ELOVL5: variants seen among roughly 807,000 people sequenced by gnomAD.
ELOVL5 encodes the protein ELOVL fatty acid elongase 5.
In ELOVL5, 8 loss-of-function variants were observed where a neutral mutation model predicts 38.6. The ratio of observed to expected loss-of-function variants is 0.21; its 90% CI spans 0.12 to 0.37. The LOEUF (loss-of-function observed/expected upper bound fraction) is 0.37, where lower values mean the gene tolerates loss of function less well. ELOVL5 is among the 10% of genes least tolerant of loss of function. The probability of loss-of-function intolerance (pLI) is 1.00; values close to 1 mark genes in which losing one functional copy is unlikely to be tolerated. For synonymous variants in ELOVL5, 127 were observed against 133.7 expected, an observed-to-expected ratio of 0.95 and a Z score of 0.34; for missense variants, 280 against 367.8, an observed-to-expected ratio of 0.76 and a Z score of 1.95.
rs143862521 is a variant in ELOVL5, at chr6:53,325,315, T to TA, written c.-9+23501dup. 2.9e-3 allele frequency among the ~76,000 whole-genome samples: 437 copies of TA among 152,322 alleles called. 5 individuals are homozygous for TA. The highest frequency in any genetic ancestry group is 1.0e-2 in the African/African-American group (414 of 41,570). The stretch of plus-strand genomic sequence containing the variant: ...CAATCTAAAACACAACTTCTAGGCT[T>TA]AAGATACCCATTACTGTGTCATAAG... On this transcript the variant is annotated intron_variant, in intron 1 of 7. Coordinates refer to ENST00000304434, the MANE Select transcript of ELOVL5 (RefSeq NM_021814.5).
chr6:53,283,697 A>G (rs1175385756), intron 3 of ELOVL5, among the ~76,000 whole-genome samples: 3 of 152,222 alleles, frequency 2.0e-5, no homozygotes, highest in Non-Finnish European at 4.4e-5. Flanking sequence ...GAAGAATGCA[A>G]AATTTTCAAA....
At chr6:53,345,529 T>G (rs779327582) in intron 1 of ELOVL5, among the ~76,000 whole-genome samples, 15 of 152,238 alleles carry the variant, frequency 9.9e-5, no homozygotes, top group Non-Finnish European at 1.8e-4. Context: ...CAGGAAACCC[T>G]CTGGAATCAG....
intron 5 of ELOVL5, 29 bp from the exon 6 acceptor site, chr6:53,273,373 G>T: frequency 1.2e-6 from 2 of 1,604,306 alleles, no homozygotes; most frequent in South Asian, 1.1e-5. Flanking sequence ...TTGGGAAGGA[G>T]AATGTATTAG....
intron 1 of ELOVL5, among the ~76,000 whole-genome samples, chr6:53,298,418 G>T (rs1460756715): frequency 6.6e-6 from 1 of 152,204 alleles, no homozygotes; most frequent in East Asian, 1.9e-4. Context: ...ACAATAATCA[G>T]GTATTAAGCA....
At chr6:53,308,763 T>G (rs1029796499) in intron 1 of ELOVL5, among the ~76,000 whole-genome samples, 1 of 151,890 alleles carries the variant, frequency 6.6e-6, no homozygotes, top group Admixed American at 6.6e-5. Flanking sequence ...TACACTGTAT[T>G]ACAGAGACAG....
At chr6:53,284,424 T>TC (rs1337828102) in intron 3 of ELOVL5, among the ~76,000 whole-genome samples, 5 of 152,082 alleles carry the variant, frequency 3.3e-5, no homozygotes, top group African/African-American at 7.2e-5. Context: ...AAATACTGAC[T>TC]CAACTGAAAC....
chr6:53,338,105 T>C (rs1651691273), intron 1 of ELOVL5, among the ~76,000 whole-genome samples: 1 of 151,968 alleles, frequency 6.6e-6, no homozygotes, highest in Non-Finnish European at 1.5e-5. Context: ...GGATGGTGGG[T>C]GGGTGGATGG....
chr6:53,317,711 G>A (rs1478584317), intron 1 of ELOVL5, among the ~76,000 whole-genome samples: 1 of 151,580 alleles, frequency 6.6e-6, no homozygotes, highest in African/African-American at 2.4e-5. Context: ...GGGTTAATGG[G>A]TGCAGCATAC....
intron 1 of ELOVL5, among the ~76,000 whole-genome samples, chr6:53,310,218 A>G (rs1404897408): frequency 6.6e-6 from 1 of 152,254 alleles, no homozygotes; most frequent in Admixed American, 6.5e-5. Flanking sequence ...TCTAAAGTAT[A>G]GAATTTGGTT....
At chr6:53,348,427 C>T (rs1431802967) in intron 1 of ELOVL5, among the ~76,000 whole-genome samples, 1 of 152,092 alleles carries the variant, frequency 6.6e-6, no homozygotes, top group Non-Finnish European at 1.5e-5. Flanking sequence ...CGCTCCGGCC[C>T]GCAGGGCGGG....
chr6:53,310,329 A>G (rs537740027), intron 1 of ELOVL5, among the ~76,000 whole-genome samples: 1 of 152,326 alleles, frequency 6.6e-6, no homozygotes, highest in South Asian at 2.1e-4. Context: ...TCACTAAGGA[A>G]ATATCCCTAT....
chr6:53,316,777 G>A (rs1373097984), intron 1 of ELOVL5, among the ~76,000 whole-genome samples: 1 of 151,798 alleles, frequency 6.6e-6, no homozygotes, highest in Non-Finnish European at 1.5e-5. Context: ...AGGAAGCATG[G>A]GGGCTGCGGG....
At chr6:53,348,022 GCC>G (rs35065809) in intron 1 of ELOVL5, among the ~76,000 whole-genome samples, 2 of 146,722 alleles carry the variant, frequency 1.4e-5, no homozygotes, top group Non-Finnish European at 3.0e-5. Flanking sequence ...GAGCACAACC[GCC>G]CCCCCGCCGC....
chr6:53,288,185 C>T (rs1191180506), intron 3 of ELOVL5, among the ~76,000 whole-genome samples: 1 of 152,038 alleles, frequency 6.6e-6, no homozygotes, highest in Non-Finnish European at 1.5e-5. Context: ...CGTTTGGCAC[C>T]ATGTATGTAG....
At chr6:53,305,778 C>G (rs954795542) in intron 1 of ELOVL5, among the ~76,000 whole-genome samples, 1 of 151,600 alleles carries the variant, frequency 6.6e-6, no homozygotes, top group African/African-American at 2.4e-5. Context: ...CAGGCAGAGA[C>G]GCTCCTCACT....
intron 2 of ELOVL5, among the ~76,000 whole-genome samples, chr6:53,293,233 C>A (rs1343076171): frequency 6.6e-6 from 1 of 152,180 alleles, no homozygotes; most frequent in Non-Finnish European, 1.5e-5. Flanking sequence ...GAACATGAGG[C>A]ACATGCAGCA....
At chr6:53,291,530 G>A (rs561008549) in intron 3 of ELOVL5, among the ~76,000 whole-genome samples, 2 of 152,152 alleles carry the variant, frequency 1.3e-5, no homozygotes, top group South Asian at 2.1e-4. Flanking sequence ...AATATCATAC[G>A]AAACATAATA....
At chr6:53,313,505 G>A (rs1045483890) in intron 1 of ELOVL5, among the ~76,000 whole-genome samples, 1 of 151,784 alleles carries the variant, frequency 6.6e-6, no homozygotes, top group Non-Finnish European at 1.5e-5. Flanking sequence ...GGGACTACAG[G>A]CATGTGCCAC....
intron 1 of ELOVL5, among the ~76,000 whole-genome samples, chr6:53,346,577 G>T (rs1315463418): frequency 2.0e-5 from 3 of 152,052 alleles, no homozygotes; most frequent in Non-Finnish European, 4.4e-5. Flanking sequence ...TAACAGAAGA[G>T]CTGGTAGGCA....
Sources: gnomAD v4.1 joint callset for allele counts (sites outside exome capture counted in the v4.1 genomes callset) on GRCh38, gnomAD v4.1.1 for gene constraint, MANE v1.5 for transcripts, NCBI Gene and HGNC (gene_info 2026-07-23, HGNC 2026-07-21) for gene names.